The following KCNB2 variants were observed in gnomAD, a reference collection of about 807,000 sequenced individuals.
The protein encoded by KCNB2 is potassium voltage-gated channel subfamily B member 2.
A neutral mutation model predicts 61.5 loss-of-function variants in KCNB2; 15 were observed. The ratio of observed to expected loss-of-function variants is 0.24; its 90% CI spans 0.16 to 0.38. The LOEUF (loss-of-function observed/expected upper bound fraction) is 0.38, where lower values mean the gene tolerates loss of function less well. Ranked by LOEUF, KCNB2 falls within the 10% of genes least tolerant of loss-of-function variation. The probability of loss-of-function intolerance (pLI) is 1.00; values close to 1 mark genes in which losing one functional copy is unlikely to be tolerated. For synonymous variants in KCNB2, 457 were observed against 446.0 expected (o/e 1.02, Z -0.31); for missense variants, 828 against 1,125.2 (o/e 0.74, Z 3.78).
At chr8:72,688,021 G>A (rs1040081291) in intron 2 of KCNB2, among the ~76,000 whole-genome samples, 1 of 152,134 alleles carries the variant, frequency 6.6e-6, no homozygotes, top group Non-Finnish European at 1.5e-5. Flanking sequence ...CTCTTTACTG[G>A]AGATAGAACC....
intron 2 of KCNB2, among the ~76,000 whole-genome samples, chr8:72,739,005 T>C (rs1807899015): frequency 6.6e-6 from 1 of 152,174 alleles, no homozygotes; most frequent in African/African-American, 2.4e-5. Context: ...TAAAAGATTC[T>C]TTTCTTTCTC....
intron 2 of KCNB2, among the ~76,000 whole-genome samples, chr8:72,711,029 C>T (rs2128991803): frequency 6.6e-6 from 1 of 152,334 alleles, no homozygotes; most frequent in East Asian, 1.9e-4. Flanking sequence ...GTTTCTTGCT[C>T]TTGTGTCCAT....
chr8:72,729,681 C>T (rs562521114), intron 2 of KCNB2, among the ~76,000 whole-genome samples: 137 of 152,222 alleles, frequency 9.0e-4, no homozygotes, highest in Non-Finnish European at 1.8e-3. Context: ...GTCAGGAGTT[C>T]GAGACCAGCC....
intron 2 of KCNB2, among the ~76,000 whole-genome samples, chr8:72,899,977 T>C (rs1806059947): frequency 6.6e-6 from 1 of 152,048 alleles, no homozygotes; most frequent in Non-Finnish European, 1.5e-5. Context: ...CAAGACCAGC[T>C]TGGGCAACAT....
At chr8:72,797,379 A>G (rs1324156222) in intron 2 of KCNB2, among the ~76,000 whole-genome samples, 1 of 152,204 alleles carries the variant, frequency 6.6e-6, no homozygotes, top group East Asian at 1.9e-4. Context: ...TAATCCTGCC[A>G]ATAAATTATC....
intron 2 of KCNB2, among the ~76,000 whole-genome samples, chr8:72,569,274 G>A (rs911009876): frequency 1.2e-4 from 18 of 152,308 alleles, no homozygotes; most frequent in African/African-American, 4.3e-4. Context: ...AGGGAAGAGT[G>A]TGTCATCACA....
At chr8:72,907,505 A>T (rs1341005232) in intron 2 of KCNB2, among the ~76,000 whole-genome samples, 1 of 152,232 alleles carries the variant, frequency 6.6e-6, no homozygotes, top group Non-Finnish European at 1.5e-5. Flanking sequence ...GATAAAGTCA[A>T]TCCAAGGCTC....
At chr8:72,707,245 T>G (rs892112673) in intron 2 of KCNB2, among the ~76,000 whole-genome samples, 1 of 152,180 alleles carries the variant, frequency 6.6e-6, no homozygotes, top group Non-Finnish European at 1.5e-5. Flanking sequence ...ATAATAACCC[T>G]CACAGACAAA....
intron 1 of KCNB2, among the ~76,000 whole-genome samples, chr8:72,540,410 C>T (rs1363444189): frequency 6.6e-6 from 1 of 151,982 alleles, no homozygotes; most frequent in Non-Finnish European, 1.5e-5. Flanking sequence ...TGCATAAAAT[C>T]GAGATTTCTA....
rs573633059 is a variant in KCNB2, at chr8:72,742,337, A to C, written c.579+174024A>C. Reference sequence around the variant, plus strand: ...TAAAAATTCGTGTAGTCTTTTTCTGAACATGTTTATAATATTGCTTTCTCA... The same window carrying C: ...TAAAAATTCGTGTAGTCTTTTTCTGCACATGTTTATAATATTGCTTTCTCA... On this transcript the variant is annotated intron_variant, in intron 2 of 2. Coordinates refer to ENST00000523207, the MANE Select transcript of KCNB2 (RefSeq NM_004770.3). Among the ~76,000 whole-genome samples, 7 of 152,270 alleles carry C rather than the reference A, an allele frequency of 4.6e-5. No homozygotes were observed. The East Asian group carries it at 1.4e-3, about 29-fold the overall frequency.
chr8:72,592,705 A>G (rs1481244048), intron 2 of KCNB2, among the ~76,000 whole-genome samples: 1 of 152,116 alleles, frequency 6.6e-6, no homozygotes, highest in East Asian at 1.9e-4. Flanking sequence ...GTTGAGATGG[A>G]TCTGCCTTCA....
intron 2 of KCNB2, among the ~76,000 whole-genome samples, chr8:72,594,851 A>G (rs1807161385): frequency 6.6e-6 from 1 of 152,240 alleles, no homozygotes; most frequent in Admixed American, 6.5e-5. Flanking sequence ...TTTAAATATT[A>G]TAGCAGATTC....
intron 2 of KCNB2, among the ~76,000 whole-genome samples, chr8:72,685,879 C>T (rs1806842015): frequency 6.6e-6 from 1 of 152,152 alleles, no homozygotes; most frequent in South Asian, 2.1e-4. Context: ...ATTCCAGCTA[C>T]TCGGGAGGCT....
At chr8:72,573,656 A>G (rs571501835) in intron 2 of KCNB2, among the ~76,000 whole-genome samples, 4 of 151,422 alleles carry the variant, frequency 2.6e-5, no homozygotes, top group African/African-American at 9.7e-5. Context: ...CCCTCTGTGT[A>G]CCGTGCAGTG....
At chr8:72,784,377 C>T (rs1808813321) in intron 2 of KCNB2, among the ~76,000 whole-genome samples, 2 of 152,126 alleles carry the variant, frequency 1.3e-5, no homozygotes, top group Admixed American at 1.3e-4. Flanking sequence ...GTCTGGCTTA[C>T]TTCTCTTATC....
intron 2 of KCNB2, chr8:72,750,554 G>A (rs578189959): frequency 2.6e-5 from 4 of 152,138 alleles, no homozygotes; most frequent in Non-Finnish European, 5.9e-5. Flanking sequence ...GGGAATACTT[G>A]TTTCTGTGAG....
At chr8:72,732,848 C>CCTGTCATAAAGTATATCATCCTGCA (rs2128993649) in intron 2 of KCNB2, among the ~76,000 whole-genome samples, 1 of 152,194 alleles carries the variant, frequency 6.6e-6, no homozygotes, top group Admixed American at 6.6e-5. Context: ...ATGAGATGTC[C>CCTGTCATAAAGTATATCATCCTGCA]CTGTCATAAA....
chr8:72,810,105 C>T (rs1464085065), intron 2 of KCNB2, among the ~76,000 whole-genome samples: 2 of 152,118 alleles, frequency 1.3e-5, no homozygotes, highest in East Asian at 3.9e-4. Flanking sequence ...ATCACTTGTA[C>T]TTAAGATGCC....
chr8:72,920,488 T>TATATATATATATATATATA (rs57048446), intron 2 of KCNB2, among the ~76,000 whole-genome samples: 2 of 137,204 alleles, frequency 1.5e-5, no homozygotes, highest in South Asian at 2.3e-4. Flanking sequence ...TATATATATA[T>TATATATATATATATATATA]TAGCTGGCCA....
Sources: allele counts gnomAD v4.1 joint callset (sites outside exome capture counted in the v4.1 genomes callset), GRCh38; gene constraint gnomAD v4.1.1; transcripts MANE v1.5; gene names NCBI Gene and HGNC (gene_info 2026-07-23, HGNC 2026-07-21).